Variants in MZF1 observed in about 807,000 individuals in gnomAD.
The protein encoded by MZF1 is zinc finger and SCAN domain-containing protein 6.
In MZF1, 24 loss-of-function variants were observed where a neutral mutation model predicts 28.6. That is an observed-to-expected ratio of 0.84 (90% confidence interval 0.61 to 1.18). MZF1 has a LOEUF of 1.18. MZF1 is among the 50% of genes most tolerant of loss of function. The probability of loss-of-function intolerance (pLI) is 0.00; values close to 1 mark genes in which losing one functional copy is unlikely to be tolerated. For missense variants in MZF1, 1,166 were observed against 1,026.4 expected (o/e 1.14, Z -1.86); for synonymous variants, 516 against 432.5 (o/e 1.19, Z -2.40).
At position 58,562,268 on chromosome 19, in the gene MZF1, T is replaced by C; in HGVS notation, c.2009A>G (p.Gln670Arg). The C allele has an allele frequency of 6.2e-7, 1 of 1,604,798 alleles. No homozygotes were observed. Among genetic ancestry groups the C allele is most frequent in the Non-Finnish European group, 8.5e-7 (1 of 1,177,030 alleles). The change falls in exon 6 of 6, where the codon CAG (glutamine) becomes CGG (arginine). Residue 670 changes from glutamine (Q) to arginine (R), a missense_variant. By Grantham distance (43) the Gln-to-Arg change is conservative (BLOSUM62 1). Coordinates refer to ENST00000215057, the MANE Select transcript of MZF1 (RefSeq NM_198055.2). ...QSFRQHANLT[Q>R]HRRIHTGERP... ...TTCACCCGTGTGGATGCGCCGGTGC[T>C]GGGTGAGGTTGGCGTGCTGCCGAAA...
In MZF1 at chr19:58,571,101, G is replaced by T. The variant is rs201987159; in HGVS notation, c.289C>A (p.Pro97Thr). The change falls in exon 2 of 6, where the codon CCC becomes ACC. Residue 97 changes from proline to threonine, a missense_variant. Physicochemically the swap from Pro to Thr is conservative, Grantham distance 38 (BLOSUM62 -1). Transcript: ENST00000215057. ...LVLEQFLGALPPEIQARVQGQ... is the reference protein window; with the variant it reads ...LVLEQFLGALTPEIQARVQGQ... ...TGCACACGGGCCTGGATCTCAGGGG[G>T]CAGTGCGCCCAGGAACTGCTCCAGC... The T allele has an allele frequency of 6.2e-7, 1 of 1,613,906 alleles. No individual in the cohort carries two copies. The highest frequency in any genetic ancestry group is 8.5e-7 in the Non-Finnish European group (1 of 1,179,994).
In MZF1 at chr19:58,571,298, C is replaced by T. The variant is rs1568687029; in HGVS notation, c.92G>A (p.Gly31Asp). The T allele has an allele frequency of 6.2e-7, 1 of 1,614,112 alleles. No homozygotes were observed. The highest frequency in any genetic ancestry group is 8.5e-7 in the Non-Finnish European group (1 of 1,179,994). Residue 31 changes from glycine to aspartate, a missense_variant, in exon 2 of 6, where the codon GGT becomes GAT. Transcript: ENST00000215057. ...GCCTGGGTCCCATAAGGCAGCCTCACCCTCCTCCTCAGAGTCCTCTAGCTT... is the reference window on the plus strand; with the variant it reads ...GCCTGGGTCCCATAAGGCAGCCTCATCCTCCTCCTCAGAGTCCTCTAGCTT... ...MVKLEDSEEE[G>D]EAALWDPGPE...
rs1369966976 is a variant in MZF1, at chr19:58,562,612, G to T, written c.1665C>A (p.Asn555Lys). 5.1e-6 allele frequency: 8 copies of T among 1,574,814 alleles called. No individual in the cohort carries two copies. Among genetic ancestry groups the T allele is most frequent in the Middle Eastern group, 1.7e-4 (1 of 6,000 alleles). Residue 555 changes from asparagine to lysine, a missense_variant, in exon 6 of 6, where the codon AAC becomes AAA. Transcript: ENST00000215057. ...TGTGGATGCGCCGGTGCTGCGTCAG[G>T]TTGGAGCGCTGCCGGAAGCTCTGGC... The part of the protein sequence containing the change: ...ECGQSFRQRS[N>K]LTQHRRIHTG...
intron 2 of MZF1, 194 bp from the exon 3 acceptor site, chr19:58,570,721 T>G (rs964893812): frequency 1.5e-6 from 1 of 678,482 alleles, no homozygotes; most frequent in Admixed American, 2.9e-5. Context: ...GTCCCTCCCC[T>G]GCTCTGACAT....
intron 5 of MZF1, 36 bp downstream of exon 5, chr19:58,569,241 G>A (rs376989816): frequency 4.7e-5 from 73 of 1,545,516 alleles, no homozygotes; most frequent in South Asian, 2.6e-4. Context: ...CTGTCCATGC[G>A]GAAGGCCTAG....
At position 58,571,324 on chromosome 19, in the gene MZF1, C is replaced by T. The variant is rs751259114; in HGVS notation, c.66G>A (p.Val22=). The T allele has an allele frequency of 6.2e-7, 1 of 1,614,238 alleles. No individual in the cohort carries two copies. The highest frequency in any genetic ancestry group is 8.5e-7 in the Non-Finnish European group (1 of 1,180,044). Residue 22 remains valine, a synonymous_variant, in exon 2 of 6, where the codon GTG becomes GTA. Transcript: ENST00000215057. ...CCTCCTCCTCAGAGTCCTCTAGCTT[C>T]ACCATGACAGGCCCCTCATCTTCTG... ...APPEDEGPVM[V]KLEDSEEEGE...
chr19:58,564,898 GTGTGTTTTTTTTTTT>G (rs2054010510), intron 5 of MZF1, among the ~76,000 whole-genome samples: 13 of 91,900 alleles, frequency 1.4e-4, no homozygotes, highest in African/African-American at 5.8e-4. Context: ...GCATCCATGT[GTGTGTTTTTTTTTTT>G]TTTTTTTTTT....
rs2054117916 is a variant in MZF1, at chr19:58,569,513, T to C, written c.651+3A>G. ...GGAGAACATGGACCTGGGCAGGACT[T>C]ACCTGGGCCTCCTCAGGCAGGAGGG... On this transcript the variant is annotated splice_donor_region_variant and intron_variant, in intron 4 of 5. Coordinates refer to ENST00000215057, the MANE Select transcript of MZF1 (RefSeq NM_198055.2). 1.2e-6 allele frequency: 2 copies of C among 1,611,812 alleles called. No individual in the cohort carries two copies. The highest frequency in any genetic ancestry group is 1.7e-5 in the Admixed American group (1 of 59,810).
intron 1 of MZF1, chr19:58,572,742 C>A: frequency 2.8e-6 from 2 of 702,708 alleles, no homozygotes; most frequent in South Asian, 1.5e-5. Flanking sequence ...TGGGTCATAG[C>A]CAAGATGGCA....
intron 1 of MZF1, 144 bp from the exon 2 acceptor site, chr19:58,571,573 C>T: frequency 1.3e-6 from 1 of 755,820 alleles, no homozygotes; most frequent in Non-Finnish European, 2.1e-6. Context: ...CATCTACAAC[C>T]CACAGACTTA....
chr19:58,571,294 C>T lies in MZF1; in HGVS notation c.96G>A (p.Glu32=), dbSNP rs773126284. The T allele has an allele frequency of 4.5e-5, 73 of 1,613,886 alleles. No homozygotes were observed. Among genetic ancestry groups the T allele is most frequent in the Non-Finnish European group, 5.9e-5 (70 of 1,179,964 alleles). Residue 32 remains glutamate (E), a synonymous_variant, in exon 2 of 6, where the codon GAG becomes GAA. Coordinates refer to ENST00000215057, the MANE Select transcript of MZF1 (RefSeq NM_198055.2). The stretch of plus-strand genomic sequence containing the variant: ...CAGGGCCTGGGTCCCATAAGGCAGC[C>T]TCACCCTCCTCCTCAGAGTCCTCTA... ...VKLEDSEEEG[E]AALWDPGPEA...
rs1266719865 is a variant in MZF1 at position 58,573,274 on chromosome 19, G to C, written c.-260C>G. On this transcript the variant is annotated 5_prime_UTR_variant, in exon 1 of 6. Coordinates refer to ENST00000215057, the MANE Select transcript of MZF1 (RefSeq NM_198055.2). ...CTGGCCGCTTCTTCCCATGCTCCCC[G>C]CCTCGAATCCGTGCGTCGGCATGCG... The C allele has an allele frequency of 1.3e-5, 2 of 152,378 alleles. No individual in the cohort carries two copies. The highest frequency in any genetic ancestry group is 2.9e-5 in the Non-Finnish European group (2 of 68,066). 9.4% of individuals were successfully genotyped at this position (152,378 alleles called of 1,614,324 possible).
Position 58,561,992 on chromosome 19 carries a change from C to G in MZF1, c.*80G>C. The G allele has an allele frequency of 7.0e-7, 1 of 1,428,144 alleles. No homozygotes were observed. Among genetic ancestry groups the G allele is most frequent in the Non-Finnish European group, 9.4e-7 (1 of 1,060,684 alleles). The allele number at this position is 1,428,144 out of a possible 1,614,324, so 88.5% of individuals were successfully genotyped here. A position where few individuals can be genotyped will look rare whatever the true frequency, so the allele number is the denominator to read the frequency against. On this transcript the variant is annotated 3_prime_UTR_variant, in exon 6 of 6. Transcript: ENST00000215057. ...CAAGCCCTGGGCGGACCTGCTTATA[C>G]TTATGTAATCGCCAGCCTCACAATA...
chr19:58,571,407 G>A lies in MZF1; in HGVS notation c.-18C>T. The stretch of plus-strand genomic sequence containing the variant: ...GGCCTCATAGAGGGTACCAGGTCAG[G>A]TATCTGAGGCCAGTGTCTGCCCCTG... On this transcript the variant is annotated 5_prime_UTR_variant, in exon 2 of 6. Coordinates refer to ENST00000215057, the MANE Select transcript of MZF1 (RefSeq NM_198055.2). 3 of 1,612,842 alleles carry A rather than the reference G, an allele frequency of 1.9e-6. No homozygotes were observed. Among genetic ancestry groups the A allele is most frequent in the Non-Finnish European group, 2.5e-6 (3 of 1,179,410 alleles).
In MZF1 at chr19:58,564,902, G is replaced by GGTTTTTTTTT. The variant is rs1872485914; in HGVS notation, c.773-1399_773-1398insAAAAAAAAAC. Among the ~76,000 whole-genome samples the GGTTTTTTTTT allele has an allele frequency of 1.2e-4, 5 of 41,996 alleles. 1 individual carries two copies. The highest frequency in any genetic ancestry group is 3.2e-4 in the Admixed American group (1 of 3,136). 27.6% of individuals were successfully genotyped at this position (41,996 alleles called of 152,430 possible). A position where few individuals can be genotyped will look rare whatever the true frequency, so the allele number is the denominator to read the frequency against. On this transcript the variant is annotated intron_variant, in intron 5 of 5. Transcript: ENST00000215057. ...GTGGAGAATAAGCATCCATGTGTGT[G>GGTTTTTTTTT]TTTTTTTTTTTTTTTTTTTTTTTTT...
chr19:58,567,139 C>T (rs2122711611), intron 5 of MZF1, among the ~76,000 whole-genome samples: 1 of 152,284 alleles, frequency 6.6e-6, no homozygotes, highest in South Asian at 2.1e-4. Flanking sequence ...AACTCTTGGA[C>T]TCAAACAATC....
chr19:58,571,011 C>T lies in MZF1; in HGVS notation c.379G>A (p.Gly127Ser), dbSNP rs371956787. The change falls in exon 2 of 6, where the codon GGC becomes AGC. Residue 127 changes from glycine (G) to serine (S), a missense_variant. Gly to Ser is a moderately conservative substitution (Grantham distance 56). Coordinates refer to ENST00000215057, the MANE Select transcript of MZF1 (RefSeq NM_198055.2). ...ALVDGLRREP[G>S]GPRRWVTVQV... ...TCACTCACCCATCTCCGGGGTCCGC[C>T]CGGCTCCCGGCGCAGCCCATCTACT... is the stretch of plus-strand genomic sequence containing the variant. 6.2e-7 allele frequency: 1 copy of T among 1,608,824 alleles called. No homozygotes were observed. The highest frequency in any genetic ancestry group is 8.5e-7 in the Non-Finnish European group (1 of 1,176,972).
At position 58,571,332 on chromosome 19, in the gene MZF1, C is replaced by T. The variant is rs1283661187; in HGVS notation, c.58G>A (p.Val20Ile). 3 of 1,614,238 alleles carry T rather than the reference C, an allele frequency of 1.9e-6. No individual in the cohort carries two copies. Among genetic ancestry groups the T allele is most frequent in the Middle Eastern group, 1.6e-4 (1 of 6,062 alleles). The change falls in exon 2 of 6, where the codon GTC (valine) becomes ATC (isoleucine). Residue 20 changes from valine (V) to isoleucine (I), a missense_variant. By Grantham distance (29) the Val-to-Ile change is conservative (BLOSUM62 3). Coordinates refer to ENST00000215057, the MANE Select transcript of MZF1 (RefSeq NM_198055.2). ...TCAGAGTCCTCTAGCTTCACCATGA[C>T]AGGCCCCTCATCTTCTGGGGGTGCT... Reference protein sequence around the residue: ...DRAPPEDEGPVMVKLEDSEEE... With the variant: ...DRAPPEDEGPIMVKLEDSEEE...
Position 58,562,959 on chromosome 19 carries a change from A to G in MZF1, c.1318T>C (p.Phe440Leu), listed in dbSNP as rs777612039. 1.3e-5 allele frequency: 21 copies of G among 1,600,356 alleles called. No homozygotes were observed. The highest frequency in any genetic ancestry group is 2.7e-5 in the African/African-American group (2 of 74,886). Residue 440 changes from phenylalanine (F) to leucine (L), a missense_variant, in exon 6 of 6, where the codon TTC (phenylalanine) becomes CTC (leucine). Phe to Leu is a conservative substitution (Grantham distance 22). Coordinates refer to ENST00000215057, the MANE Select transcript of MZF1 (RefSeq NM_198055.2). Reference sequence around the variant, plus strand: ...CTCTGGCCGCACTCAGCGCAACGGAAAGGCTGTTCGCCCGTGTGCACTCTC... The same window carrying G: ...CTCTGGCCGCACTCAGCGCAACGGAGAGGCTGTTCGCCCGTGTGCACTCTC... ...HRRVHTGEQP[F>L]RCAECGQSFR... is the part of the protein sequence containing the mutation.
Sources: allele counts gnomAD v4.1 joint callset (sites outside exome capture counted in the v4.1 genomes callset), GRCh38; gene constraint gnomAD v4.1.1; transcripts MANE v1.5; gene names NCBI Gene and HGNC (gene_info 2026-07-23, HGNC 2026-07-21).